Variants in PTGFRN observed in about 807,000 individuals in gnomAD.
PTGFRN encodes the protein prostaglandin F2 receptor negative regulator.
PTGFRN carries 35 observed loss-of-function variants against 83.2 expected under a neutral mutation model. That is an observed-to-expected ratio of 0.42 (90% CI 0.32 to 0.56). The LOEUF is 0.56. Among genes scored for constraint, PTGFRN ranks in the 20% least tolerant of loss-of-function variants. The pLI is 0.11. For synonymous variants in PTGFRN, 519 were observed against 498.6 expected (o/e 1.04, Z -0.55); for missense variants, 1,051 against 1,179.5 (o/e 0.89, Z 1.60).
At position 116,944,594 on chromosome 1, in the gene PTGFRN, TTGTC is replaced by T. The variant is rs1169879737; in HGVS notation, c.419-81_419-78del. 4.8e-6 allele frequency: 6 copies of T among 1,262,836 alleles called. No homozygotes were observed. The East Asian group carries it at 1.3e-4, about 27-fold the overall frequency. 78.2% of individuals were successfully genotyped at this position (1,262,836 alleles called of 1,614,324 possible). ...TTGGAATGGGAAAGGGAGGAGGAAATTGTCTGTGGTTGCAGCGGTGGGCTGGCCC... is the reference window on the plus strand; with the variant it reads ...TTGGAATGGGAAAGGGAGGAGGAAATTGTGGTTGCAGCGGTGGGCTGGCCC... On this transcript the variant is annotated intron_variant, in intron 2 of 8. Coordinates refer to ENST00000393203, the MANE Select transcript of PTGFRN (RefSeq NM_020440.4).
chr1:116,945,980 T>G (rs1213275265), intron 3 of PTGFRN, among the ~76,000 whole-genome samples: 5 of 152,072 alleles, frequency 3.3e-5, no homozygotes, highest in African/African-American at 4.8e-5. Flanking sequence ...ACAGAGACAG[T>G]GTAAAGAGAC....
chr1:116,937,333 A>C (rs1649946164), intron 1 of PTGFRN, among the ~76,000 whole-genome samples: 1 of 152,260 alleles, frequency 6.6e-6, no homozygotes, highest in African/African-American at 2.4e-5. Context: ...ACAGAGTAAG[A>C]TATAACCCAA....
At chr1:116,922,384 A>G (rs946207897) in intron 1 of PTGFRN, among the ~76,000 whole-genome samples, 4 of 152,214 alleles carry the variant, frequency 2.6e-5, no homozygotes, top group Admixed American at 6.5e-5. Context: ...TTGGTTTTCT[A>G]TGGAAACAAG....
chr1:116,977,631 T>C (rs1406782784), intron 7 of PTGFRN, among the ~76,000 whole-genome samples: 1 of 152,160 alleles, frequency 6.6e-6, no homozygotes, highest in African/African-American at 2.4e-5. Flanking sequence ...ACTGGGTACA[T>C]AATGAAATGA....
chr1:116,958,198 A>C lies in PTGFRN; in HGVS notation c.1214-3045A>C, dbSNP rs1283007311. ...TCTGTCACCTGTGAGGAGACAGAAG[A>C]GGAGTCCCCACAGGCAACTTCATGG... On this transcript the variant is annotated intron_variant, in intron 4 of 8. Coordinates refer to ENST00000393203, the MANE Select transcript of PTGFRN (RefSeq NM_020440.4). The surrounding 1 kb of genome is among the most constrained non-coding windows in gnomAD (Gnocchi z 4.9). Among the ~76,000 whole-genome samples the C allele has an allele frequency of 6.6e-6, 1 of 152,186 alleles. No homozygotes were observed. The highest frequency in any genetic ancestry group is 1.9e-4 in the East Asian group (1 of 5,196).
rs1491247342 is a variant in PTGFRN at position 116,945,086 on chromosome 1, CCA to C, written c.827_828del (p.Pro276LeufsTer15). ...AVEVATVVIQ[P>X]SVLRAAVPKN... ...GGAAGTTGCCACCGTGGTGATCCAGCCATCAGGTGAGCTGGAAACGATGCGTT... is the reference window on the plus strand; with the variant it reads ...GGAAGTTGCCACCGTGGTGATCCAGCTCAGGTGAGCTGGAAACGATGCGTT... On this transcript the variant is annotated frameshift_variant, in exon 3 of 9. Coordinates refer to ENST00000393203, the MANE Select transcript of PTGFRN (RefSeq NM_020440.4). LOFTEE classifies it high-confidence loss of function. 1.5e-5 allele frequency: 24 copies of C among 1,611,490 alleles called. No homozygotes were observed. The highest frequency in any genetic ancestry group is 1.3e-4 in the Admixed American group (8 of 59,870).
Position 116,967,098 on chromosome 1 carries a change from C to G in PTGFRN, c.1827C>G (p.Asp609Glu). The G allele has an allele frequency of 6.2e-7, 1 of 1,614,202 alleles. No individual in the cohort carries two copies. Among genetic ancestry groups the G allele is most frequent in the Non-Finnish European group, 8.5e-7 (1 of 1,180,044 alleles). Reference sequence around the variant, plus strand: ...AAACGAAGTACATCATCTCTCTGGACCAGGATTCTGTGGTGAAGCTGGAGA... The same window carrying G: ...AAACGAAGTACATCATCTCTCTGGAGCAGGATTCTGTGGTGAAGCTGGAGA... ...PNETKYIISL[D>E]QDSVVKLENW... The change falls in exon 6 of 9, where the codon GAC (aspartate) becomes GAG (glutamate). Residue 609 changes from aspartate (D) to glutamate (E), a missense_variant. Asp to Glu is a conservative substitution (Grantham distance 45, BLOSUM62 2). Around this residue, in one of 3 missense-constraint regions of PTGFRN, gnomAD observed 719 missense variants for 836.6 expected, o/e 0.86. Coordinates refer to ENST00000393203, the MANE Select transcript of PTGFRN (RefSeq NM_020440.4).
chr1:116,961,734 G>A lies in PTGFRN; in HGVS notation c.1639+66G>A. The A allele has an allele frequency of 7.0e-7, 1 of 1,431,586 alleles. No homozygotes were observed. Among genetic ancestry groups the A allele is most frequent in the Non-Finnish European group, 9.5e-7 (1 of 1,052,894 alleles). 88.7% of individuals were successfully genotyped at this position (1,431,586 alleles called of 1,614,324 possible). Reference sequence around the variant, plus strand: ...TGCTTAAGTCGTGCCGCTGTGTGTTGATGCACAGTCACCCTCTGCAGGTTA... The same window carrying A: ...TGCTTAAGTCGTGCCGCTGTGTGTTAATGCACAGTCACCCTCTGCAGGTTA... On this transcript the variant is annotated intron_variant, in intron 5 of 8. Coordinates refer to ENST00000393203, the MANE Select transcript of PTGFRN (RefSeq NM_020440.4). The surrounding 1 kb of genome is among the most constrained non-coding windows in gnomAD (Gnocchi z 5.4).
chr1:116,920,728 A>G (rs1649514598), intron 1 of PTGFRN, among the ~76,000 whole-genome samples: 3 of 152,224 alleles, frequency 2.0e-5, no homozygotes, highest in South Asian at 4.1e-4. Context: ...GGTTCAAGCA[A>G]TTCTCATGCC....
At chr1:116,955,659 G>A (rs560453042) in intron 4 of PTGFRN, among the ~76,000 whole-genome samples, 1 of 152,264 alleles carries the variant, frequency 6.6e-6, no homozygotes, top group African/African-American at 2.4e-5. Flanking sequence ...AGTAATCAGT[G>A]GTGAAATGCC....
At chr1:116,931,110 C>T (rs1313531909) in intron 1 of PTGFRN, among the ~76,000 whole-genome samples, 1 of 152,178 alleles carries the variant, frequency 6.6e-6, no homozygotes, top group Non-Finnish European at 1.5e-5. Flanking sequence ...GCTCCAGAAT[C>T]TGAAACTTTT....
At chr1:116,962,840 C>T (rs1449142993) in intron 5 of PTGFRN, among the ~76,000 whole-genome samples, 1 of 152,206 alleles carries the variant, frequency 6.6e-6, no homozygotes, top group East Asian at 1.9e-4. Flanking sequence ...CCTTCACTGC[C>T]ATTGTGTCTT....
chr1:116,933,844 A>G (rs1926843), intron 1 of PTGFRN, among the ~76,000 whole-genome samples: 95,258 of 152,036 alleles, frequency 0.63, 31,170 homozygotes, highest in East Asian at 0.82. Context: ...TAGTTTTGCT[A>G]TGATTTACCT....
intron 6 of PTGFRN, among the ~76,000 whole-genome samples, chr1:116,970,985 A>C (rs1650979471): frequency 6.6e-6 from 1 of 152,228 alleles, no homozygotes; most frequent in South Asian, 2.1e-4. Context: ...GCCTTTTAAA[A>C]GAAGAATAAT....
At chr1:116,935,525 T>C (rs1439605904) in intron 1 of PTGFRN, among the ~76,000 whole-genome samples, 1 of 152,160 alleles carries the variant, frequency 6.6e-6, no homozygotes. Context: ...TATTAGCTAC[T>C]CTATGATAGC....
rs1248386085 is a variant in PTGFRN at position 116,918,280 on chromosome 1, G to A, written c.49+8028G>A. On this transcript the variant is annotated intron_variant, in intron 1 of 8. Transcript: ENST00000393203. The surrounding 1 kb of genome is among the most constrained non-coding windows in gnomAD (Gnocchi z 4.1). ...CCTGTCTTCCCTCAGTGTGAACCTT[G>A]GACAGGTTTTCTAACCTCTTTGAAT... 2.0e-5 allele frequency among the ~76,000 whole-genome samples: 3 copies of A among 152,106 alleles called. No homozygotes were observed. The highest frequency in any genetic ancestry group is 4.4e-5 in the Non-Finnish European group (3 of 68,020).
At chr1:116,975,970 G>A (rs949284610) in intron 7 of PTGFRN, among the ~76,000 whole-genome samples, 3 of 152,092 alleles carry the variant, frequency 2.0e-5, no homozygotes, top group Non-Finnish European at 2.9e-5. Context: ...AGCTAAAAAC[G>A]TTGAAAAAAG....
At chr1:116,984,277 G>T (rs1651400126) in intron 7 of PTGFRN, among the ~76,000 whole-genome samples, 1 of 151,944 alleles carries the variant, frequency 6.6e-6, no homozygotes, top group African/African-American at 2.4e-5. Context: ...GGCTTTCTTT[G>T]GGAGAGAGAG....
chr1:116,986,041 G>T (rs1651470090), intron 8 of PTGFRN, among the ~76,000 whole-genome samples: 1 of 152,242 alleles, frequency 6.6e-6, no homozygotes, highest in African/African-American at 2.4e-5. Context: ...GGAAATTGGA[G>T]CCCTAGCTCT....
Sources: allele counts gnomAD v4.1 joint callset (sites outside exome capture counted in the v4.1 genomes callset), GRCh38; gene constraint gnomAD v4.1.1; regional missense constraint gnomAD v4.1.1; non-coding constraint Gnocchi (gnomAD v3.1); transcripts MANE v1.5; gene names NCBI Gene and HGNC (gene_info 2026-07-23, HGNC 2026-07-21).